Variants in NGB observed in about 807,000 individuals in gnomAD.
NGB encodes nitrite reductase.
NGB carries 12 observed loss-of-function variants against 17.3 expected under a neutral mutation model. The observed-to-expected ratio is 0.69, with a 90% CI of 0.45 to 1.13. NGB has a LOEUF of 1.13. Among genes scored for constraint, NGB ranks in the 50% most tolerant of loss-of-function variants. The probability of loss-of-function intolerance (pLI) is 0.00; values close to 1 mark genes in which losing one functional copy is unlikely to be tolerated. For missense variants in NGB, 195 were observed against 191.7 expected (o/e 1.02, Z -0.10); for synonymous variants, 87 against 81.0 (o/e 1.07, Z -0.40).
Position 77,266,315 on chromosome 14 carries a change from T to G in NGB, c.*221A>C. The G allele has an allele frequency of 1.3e-6, 1 of 778,428 alleles. No homozygotes were observed. The highest frequency in any genetic ancestry group is 2.4e-6 in the Non-Finnish European group (1 of 419,104). The allele number at this position is 778,428 out of a possible 1,614,324, so 48.2% of individuals were successfully genotyped here. ...AAAAGAAACGCAAGAAAGAGGCTAC[T>G]GGGGATGAGGGGACACCCAGAAGCC... On this transcript the variant is annotated 3_prime_UTR_variant, in exon 4 of 4. Coordinates refer to ENST00000298352, the MANE Select transcript of NGB (RefSeq NM_021257.4).
chr14:77,269,379 C>G, intron 1 of NGB, 53 bp from the exon 2 acceptor site: 1 of 1,283,868 alleles, frequency 7.8e-7, no homozygotes, highest in Non-Finnish European at 1.1e-6. Context: ...CCTGCAAGCC[C>G]CAGCAAGCCT....
At chr14:77,268,612 C>T (rs1566637087) in intron 2 of NGB, 27 bp from the exon 3 acceptor site, 3 of 1,613,514 alleles carry the variant, frequency 1.9e-6, no homozygotes, top group South Asian at 1.1e-5. Context: ...AGCAGTGAAA[C>T]AGAGAGGCCA....
rs944275164 is a variant in NGB at position 77,266,705 on chromosome 14, G to T, written c.322-35C>A. 3 of 1,607,566 alleles carry T rather than the reference G, an allele frequency of 1.9e-6. No individual in the cohort carries two copies. The Admixed American group carries it at 5.0e-5, about 27-fold the overall frequency. On this transcript the variant is annotated intron_variant, in intron 3 of 3. Transcript: ENST00000298352. ...CAAGGGGCACCTTGTCACTTCCAAA[G>T]GCAGAAAGGCACTGCTCCATTCCAC...
chr14:77,270,368 G>C (rs113300890), intron 1 of NGB, among the ~76,000 whole-genome samples: 5 of 152,186 alleles, frequency 3.3e-5, no homozygotes, highest in African/African-American at 1.2e-4. Flanking sequence ...GGTTGTCAGG[G>C]ATCCACACAC....
rs575467423 is a variant in NGB at position 77,269,243 on chromosome 14, G to C, written c.173C>G (p.Ser58Trp). ...QFSSPEDCLS[S>W]PEFLDHIRKV... Reference sequence around the variant, plus strand: ...CCTGATGTGGTCCAGGAACTCAGGCGAGGAGAGACAGTCCTCTGGGCTGGA... The same window carrying C: ...CCTGATGTGGTCCAGGAACTCAGGCCAGGAGAGACAGTCCTCTGGGCTGGA... Residue 58 changes from serine (S) to tryptophan (W), a missense_variant, in exon 2 of 4, where the codon TCG (serine) becomes TGG (tryptophan). Ser to Trp is a radical substitution (Grantham distance 177). Coordinates refer to ENST00000298352, the MANE Select transcript of NGB (RefSeq NM_021257.4). The C allele has an allele frequency of 7.5e-5, 117 of 1,551,234 alleles. No individual in the cohort carries two copies. Among genetic ancestry groups the C allele is most frequent in the Non-Finnish European group, 9.9e-5 (113 of 1,146,610 alleles).
rs914133285 is a variant in NGB, at chr14:77,266,695, C to T, written c.322-25G>A. On this transcript the variant is annotated intron_variant, in intron 3 of 3. Transcript: ENST00000298352. The stretch of plus-strand genomic sequence containing the variant: ...TCTGCAGAGGCAAGGGGCACCTTGT[C>T]ACTTCCAAAGGCAGAAAGGCACTGC... 2.5e-6 allele frequency: 4 copies of T among 1,610,492 alleles called. No individual in the cohort carries two copies. The African/African-American group carries it at 5.3e-5, about 22-fold the overall frequency.
rs1889670696 is a variant in NGB, at chr14:77,266,421, T to C, written c.*115A>G. On this transcript the variant is annotated 3_prime_UTR_variant, in exon 4 of 4. Transcript: ENST00000298352. ...CAGCCCTGCCCCATCACCTCTCCAG[T>C]GTGGCCAAGGGGACAAGGACCAAGA... 2 of 1,408,128 alleles carry C rather than the reference T, an allele frequency of 1.4e-6. No individual in the cohort carries two copies. The highest frequency in any genetic ancestry group is 2.4e-5 in the South Asian group (2 of 82,302). 87.2% of individuals were successfully genotyped at this position (1,408,128 alleles called of 1,614,324 possible). A position where few individuals can be genotyped will look rare whatever the true frequency, so the allele number is the denominator to read the frequency against.
In NGB at chr14:77,266,351, G is replaced by A. The variant is rs1889669901; in HGVS notation, c.*185C>T. The A allele has an allele frequency of 1.2e-6, 1 of 864,264 alleles. No homozygotes were observed. Among genetic ancestry groups the A allele is most frequent in the African/African-American group, 1.6e-5 (1 of 60,670 alleles). The allele number at this position is 864,264 out of a possible 1,614,324, so 53.5% of individuals were successfully genotyped here. On this transcript the variant is annotated 3_prime_UTR_variant, in exon 4 of 4. Transcript: ENST00000298352. ...GGACACCCAGAAGCCCCTTCCTGGA[G>A]GAAAAGCCACTCCTTCTGCAGCTGG...
Position 77,266,439 on chromosome 14 carries a change from G to C in NGB, c.*97C>G. ...TCTCCAGTGTGGCCAAGGGGACAAG[G>C]ACCAAGATGCAGGGAAGCTTGGGGA... On this transcript the variant is annotated 3_prime_UTR_variant, in exon 4 of 4. Transcript: ENST00000298352. 1 of 1,525,526 alleles carries C rather than the reference G, an allele frequency of 6.6e-7. No homozygotes were observed. The highest frequency in any genetic ancestry group is 9.0e-7 in the Non-Finnish European group (1 of 1,113,794). 94.5% of individuals were successfully genotyped at this position (1,525,526 alleles called of 1,614,324 possible). A position where few individuals can be genotyped will look rare whatever the true frequency, so the allele number is the denominator to read the frequency against.
intron 1 of NGB, among the ~76,000 whole-genome samples, chr14:77,270,109 G>A (rs1889749875): frequency 1.3e-5 from 2 of 151,956 alleles, no homozygotes. Flanking sequence ...GTGGTTTTGC[G>A]GAAGCCTGGG....
intron 1 of NGB, among the ~76,000 whole-genome samples, chr14:77,270,437 C>T (rs928087521): frequency 6.6e-6 from 1 of 152,218 alleles, no homozygotes; most frequent in Non-Finnish European, 1.5e-5. Context: ...CTCCCTTCCC[C>T]GGCTCTCGGG....
At chr14:77,268,246 T>A (rs1321752370) in intron 3 of NGB, among the ~76,000 whole-genome samples, 2 of 152,172 alleles carry the variant, frequency 1.3e-5, no homozygotes, top group African/African-American at 4.8e-5. Context: ...TTGTTAATTT[T>A]TATGGTTTTA....
At position 77,266,506 on chromosome 14, in the gene NGB, T is replaced by C. The variant is rs765233408; in HGVS notation, c.*30A>G. On this transcript the variant is annotated 3_prime_UTR_variant, in exon 4 of 4. Transcript: ENST00000298352. Reference sequence around the variant, plus strand: ...ATACAGGCCAACAGACAGACACAGATGGATGGGGGCTGCCGGGCGGGGTCG... The same window carrying C: ...ATACAGGCCAACAGACAGACACAGACGGATGGGGGCTGCCGGGCGGGGTCG... 51 of 1,601,696 alleles carry C rather than the reference T, an allele frequency of 3.2e-5. No homozygotes were observed. Among genetic ancestry groups the C allele is most frequent in the Non-Finnish European group, 4.1e-5 (48 of 1,173,540 alleles).
chr14:77,271,037 C>T lies in NGB; in HGVS notation c.-100G>A. Reference sequence around the variant, plus strand: ...CTCCTCCGCGACGCGGTCCCCTCCGCCCCTCGTACGCCCCCCGTGCCTCCG... The same window carrying T: ...CTCCTCCGCGACGCGGTCCCCTCCGTCCCTCGTACGCCCCCCGTGCCTCCG... On this transcript the variant is annotated 5_prime_UTR_variant, in exon 1 of 4. Coordinates refer to ENST00000298352, the MANE Select transcript of NGB (RefSeq NM_021257.4). The T allele has an allele frequency of 1.2e-6, 1 of 840,322 alleles. No individual in the cohort carries two copies. Among genetic ancestry groups the T allele is most frequent in the Middle Eastern group, 3.7e-4 (1 of 2,724 alleles). The allele number at this position is 840,322 out of a possible 1,614,324, so 52.1% of individuals were successfully genotyped here.
intron 1 of NGB, 133 bp downstream of exon 1, chr14:77,270,716 C>T: frequency 3.8e-6 from 3 of 782,580 alleles, no homozygotes; most frequent in South Asian, 3.3e-5. Flanking sequence ...GCTCCTCTGG[C>T]GCACATCTGG....
rs959964289 is a variant in NGB at position 77,266,615 on chromosome 14, G to A, written c.377C>T (p.Thr126Ile). The change falls in exon 4 of 4, where the codon ACA becomes ATA. Residue 126 changes from threonine (T) to isoleucine (I), a missense_variant. Transcript: ENST00000298352. ...MLEKCLGPAF[T>I]PATRAAWSQL... ...GCTCCAGGCAGCCCGTGTGGCTGGT[G>A]TGAAGGCAGGGCCCAGACACTTCTC... is the stretch of plus-strand genomic sequence containing the variant. 6.2e-7 allele frequency: 1 copy of A among 1,614,162 alleles called. No homozygotes were observed.
rs756125208 is a variant in NGB, at chr14:77,266,603, C to A, written c.389G>T (p.Arg130Leu). The A allele has an allele frequency of 6.2e-7, 1 of 1,614,166 alleles. No homozygotes were observed. The highest frequency in any genetic ancestry group is 1.1e-5 in the South Asian group (1 of 91,084). ...CCCGTAGAGTTGGCTCCAGGCAGCC[C>A]GTGTGGCTGGTGTGAAGGCAGGGCC... The part of the protein sequence containing the change: ...CLGPAFTPAT[R>L]AAWSQLYGAV... Residue 130 changes from arginine (R) to leucine (L), a missense_variant, in exon 4 of 4, where the codon CGG (arginine) becomes CTG (leucine). By Grantham distance (102) the Arg-to-Leu change is moderately radical (BLOSUM62 -2). Coordinates refer to ENST00000298352, the MANE Select transcript of NGB (RefSeq NM_021257.4).
chr14:77,268,497 C>A lies in NGB; in HGVS notation c.290G>T (p.Arg97Leu), dbSNP rs768424283. 1 of 1,613,572 alleles carries A rather than the reference C, an allele frequency of 6.2e-7. No individual in the cohort carries two copies. Among genetic ancestry groups the A allele is most frequent in the Non-Finnish European group, 8.5e-7 (1 of 1,179,970 alleles). Residue 97 changes from arginine to leucine, a missense_variant, in exon 3 of 4, where the codon CGG (arginine) becomes CTG (leucine). Coordinates refer to ENST00000298352, the MANE Select transcript of NGB (RefSeq NM_021257.4). Reference sequence around the variant, plus strand: ...GGAGCTGAGCTTCACACCCACTGCCCGGTGCTTCCTGCCCAGGCTGGCAAG... The same window carrying A: ...GGAGCTGAGCTTCACACCCACTGCCAGGTGCTTCCTGCCCAGGCTGGCAAG... ...EYLASLGRKH[R>L]AVGVKLSSFS...
intron 3 of NGB, among the ~76,000 whole-genome samples, chr14:77,267,055 C>T (rs768758950): frequency 1.3e-5 from 2 of 152,202 alleles, no homozygotes; most frequent in Non-Finnish European, 2.9e-5. Flanking sequence ...GCCAGATAGA[C>T]CTGAGTACAG....
Sources: gnomAD v4.1 joint callset for allele counts (sites outside exome capture counted in the v4.1 genomes callset) on GRCh38, gnomAD v4.1.1 for gene constraint, MANE v1.5 for transcripts, NCBI Gene and HGNC (gene_info 2026-07-23, HGNC 2026-07-21) for gene names.